Variants in ANKRD30B observed in about 807,000 individuals in gnomAD.
ANKRD30B encodes ankyrin repeat domain-containing protein 30B.
In ANKRD30B, 144 loss-of-function variants were observed where a neutral mutation model predicts 202.2. That is an observed-to-expected ratio of 0.71 (90% CI 0.62 to 0.82). ANKRD30B has a LOEUF of 0.82. ANKRD30B is among the 40% of genes least tolerant of loss of function. The pLI is 0.00. For missense variants in ANKRD30B, 1,487 were observed against 1,669.1 expected (o/e 0.89, Z 1.90); for synonymous variants, 508 against 561.3 (o/e 0.91, Z 1.34).
chr18:14,884,363 C>T, the ANKRD30B span, among the ~76,000 whole-genome samples: 23 of 152,084 alleles, frequency 1.5e-4, no homozygotes, highest in African/African-American at 5.1e-4. Context: ...CTTGATTGCA[C>T]CTCATGAGGA....
At chr18:14,846,795 C>A (rs2143230100) in intron 39 of ANKRD30B, among the ~76,000 whole-genome samples, 1 of 151,806 alleles carries the variant, frequency 6.6e-6, no homozygotes, top group African/African-American at 2.4e-5. Context: ...TCATCTTTAA[C>A]CAATTTTTGT....
chr18:14,925,297 C>T, the ANKRD30B span, among the ~76,000 whole-genome samples: 1 of 152,168 alleles, frequency 6.6e-6, no homozygotes, highest in Non-Finnish European at 1.5e-5. Flanking sequence ...GGGCTGAGCT[C>T]TGCACTGCCA....
At chr18:14,866,596 C>T in the ANKRD30B span, among the ~76,000 whole-genome samples, 1 of 152,084 alleles carries the variant, frequency 6.6e-6, no homozygotes, top group Non-Finnish European at 1.5e-5. Context: ...TTGGTGGTGG[C>T]AACGGAGACT....
At chr18:14,883,399 CTA>C in the ANKRD30B span, 19 of 37,186 alleles carry the variant, frequency 5.1e-4, no homozygotes, top group African/African-American at 2.0e-3. Context: ...CTCTCTCTCT[CTA>C]TATATATATA....
chr18:14,931,641 G>T, the ANKRD30B span, among the ~76,000 whole-genome samples: 1 of 152,146 alleles, frequency 6.6e-6, no homozygotes, highest in Non-Finnish European at 1.5e-5. Context: ...TGCTCCCTGC[G>T]CATGGAACAT....
the ANKRD30B span, among the ~76,000 whole-genome samples, chr18:14,916,948 C>T: frequency 6.6e-6 from 1 of 152,212 alleles, no homozygotes; most frequent in Non-Finnish European, 1.5e-5. Context: ...CCAGGACTTA[C>T]TTAAATGTCG....
the ANKRD30B span, among the ~76,000 whole-genome samples, chr18:14,883,075 A>T: frequency 6.6e-6 from 1 of 152,084 alleles, no homozygotes; most frequent in Admixed American, 6.5e-5. Flanking sequence ...GCATCTAGGA[A>T]AACCTAGGGG....
chr18:14,819,947 CTTGGGCAGTATGGCCA>C (rs1970326515), intron 30 of ANKRD30B, among the ~76,000 whole-genome samples: 1 of 152,038 alleles, frequency 6.6e-6, no homozygotes, highest in African/African-American at 2.4e-5. Context: ...TGTAAATAAC[CTTGGGCAGTATGGCCA>C]TTTTCACGAT....
the ANKRD30B span, among the ~76,000 whole-genome samples, chr18:14,911,233 C>T: frequency 6.6e-6 from 1 of 151,804 alleles, no homozygotes; most frequent in Admixed American, 6.6e-5. Context: ...CCTAGATTTT[C>T]TTCTAAGAGT....
chr18:14,758,594 A>G (rs766123702), intron 5 of ANKRD30B, among the ~76,000 whole-genome samples: 2 of 152,162 alleles, frequency 1.3e-5, no homozygotes, highest in South Asian at 4.1e-4. Flanking sequence ...TTTCCAAAGT[A>G]CCAGCACCCT....
the ANKRD30B span, among the ~76,000 whole-genome samples, chr18:14,898,293 C>G: frequency 6.6e-6 from 1 of 152,056 alleles, no homozygotes; most frequent in Admixed American, 6.6e-5. Context: ...GGGATGGCAG[C>G]CGGGGGGAGG....
chr18:14,835,407 T>C, intron 34 of ANKRD30B, among the ~76,000 whole-genome samples: 1 of 151,556 alleles, frequency 6.6e-6, no homozygotes, highest in African/African-American at 2.4e-5. Context: ...AAGAATACTT[T>C]TTACACTTAA....
chr18:14,898,834 C>T, the ANKRD30B span, among the ~76,000 whole-genome samples: 3 of 152,158 alleles, frequency 2.0e-5, no homozygotes, highest in Non-Finnish European at 1.5e-5. Context: ...TTCCACATAA[C>T]AGCCCTTGAA....
chr18:14,783,304 T>C (rs2143868095), intron 12 of ANKRD30B, among the ~76,000 whole-genome samples: 1 of 152,268 alleles, frequency 6.6e-6, no homozygotes, highest in African/African-American at 2.4e-5. Context: ...GTTTCTAAAT[T>C]TTAATAAGTT....
chr18:14,868,165 T>A, the ANKRD30B span, among the ~76,000 whole-genome samples: 1 of 152,294 alleles, frequency 6.6e-6, no homozygotes, highest in Non-Finnish European at 1.5e-5. Context: ...TCAGTGCTAA[T>A]GGTGGCAGCA....
At chr18:14,862,589 C>T in the ANKRD30B span, among the ~76,000 whole-genome samples, 1 of 152,162 alleles carries the variant, frequency 6.6e-6, no homozygotes, top group Non-Finnish European at 1.5e-5. Context: ...TAGGGCAGTG[C>T]CAACAGGAAA....
At chr18:14,894,136 T>C in the ANKRD30B span, among the ~76,000 whole-genome samples, 1 of 152,224 alleles carries the variant, frequency 6.6e-6, no homozygotes, top group Non-Finnish European at 1.5e-5. Context: ...TTCCCTATTG[T>C]TTATCGTCTG....
intron 34 of ANKRD30B, among the ~76,000 whole-genome samples, chr18:14,831,677 G>A (rs1191105625): frequency 6.6e-6 from 1 of 151,832 alleles, no homozygotes; most frequent in Non-Finnish European, 1.5e-5. Flanking sequence ...CAAATGATTG[G>A]TAAATACTCT....
At chr18:14,835,042 T>G in intron 34 of ANKRD30B, among the ~76,000 whole-genome samples, 1 of 151,914 alleles carries the variant, frequency 6.6e-6, no homozygotes, top group Admixed American at 6.5e-5. Context: ...TATCTTACTC[T>G]TTTATATAAC....
Sources: gnomAD v4.1 joint callset for allele counts (sites outside exome capture counted in the v4.1 genomes callset) on GRCh38, gnomAD v4.1.1 for gene constraint, MANE v1.5 for transcripts, NCBI Gene and HGNC (gene_info 2026-07-23, HGNC 2026-07-21) for gene names.